The following MEI4 variants were observed in gnomAD, a reference collection of about 807,000 sequenced individuals.
MEI4 encodes the protein meiotic double-stranded break formation protein 4.
MEI4 carries 27 observed loss-of-function variants against 31.4 expected under a neutral mutation model. The observed-to-expected ratio is 0.86, with a 90% CI of 0.63 to 1.19. The LOEUF (loss-of-function observed/expected upper bound fraction) is 1.19, where lower values mean the gene tolerates loss of function less well. Ranked by LOEUF, MEI4 falls within the 50% of genes most tolerant of loss-of-function variation. MEI4 has a pLI of 0.00. For missense variants in MEI4, 329 were observed against 398.9 expected, an observed-to-expected ratio of 0.82 and a Z score of 1.49; for synonymous variants, 122 against 145.4, an observed-to-expected ratio of 0.84 and a Z score of 1.16.
intron 2 of MEI4, among the ~76,000 whole-genome samples, chr6:77,738,894 GA>G (rs1197203443): frequency 1.1e-4 from 16 of 152,282 alleles, no homozygotes. Context: ...GTCTTCTTTT[GA>G]AAAGTGTCTG....
intron 4 of MEI4, among the ~76,000 whole-genome samples, chr6:77,882,053 A>T (rs1771502452): frequency 6.6e-6 from 1 of 152,206 alleles, no homozygotes; most frequent in Non-Finnish European, 1.5e-5. Flanking sequence ...TACATTTCAA[A>T]ACAAATGGAT....
chr6:77,767,731 G>C (rs1768211775), intron 3 of MEI4, among the ~76,000 whole-genome samples: 1 of 151,710 alleles, frequency 6.6e-6, no homozygotes, highest in South Asian at 2.1e-4. Flanking sequence ...GGAAAAATCT[G>C]GGTTAATGTT....
intron 3 of MEI4, among the ~76,000 whole-genome samples, chr6:77,818,004 A>G (rs1347551186): frequency 2.0e-5 from 3 of 152,344 alleles, no homozygotes; most frequent in Non-Finnish European, 4.4e-5. Flanking sequence ...GATTTTAGCC[A>G]GTGTATGCAA....
chr6:77,896,943 AG>A (rs1288590384), intron 4 of MEI4, among the ~76,000 whole-genome samples: 4 of 152,070 alleles, frequency 2.6e-5, no homozygotes, highest in Non-Finnish European at 5.9e-5. Context: ...AAAATATGAC[AG>A]TAACGATAAT....
chr6:77,747,978 A>G (rs2874334), intron 2 of MEI4, among the ~76,000 whole-genome samples: 20,982 of 152,258 alleles, frequency 0.14, 1,535 homozygotes, highest in Middle Eastern at 0.21. Flanking sequence ...GGGGTAGTCA[A>G]ATCCTAAAGG....
At chr6:77,799,678 T>G (rs945227606) in intron 3 of MEI4, among the ~76,000 whole-genome samples, 1 of 152,140 alleles carries the variant, frequency 6.6e-6, no homozygotes, top group Admixed American at 6.6e-5. Flanking sequence ...GTATAAGGTG[T>G]AAGGAAGGGA....
chr6:77,805,136 CCTTTGGGTTGGAAAGGTA>C (rs1168972605), intron 3 of MEI4, among the ~76,000 whole-genome samples: 1 of 151,852 alleles, frequency 6.6e-6, no homozygotes, highest in Admixed American at 6.6e-5. Context: ...AGAAAAAATA[CCTTTGGGTTGGAAAGGTA>C]AATAATATGT....
intron 3 of MEI4, among the ~76,000 whole-genome samples, chr6:77,808,702 C>T (rs562265899): frequency 6.6e-6 from 1 of 152,208 alleles, no homozygotes; most frequent in South Asian, 2.1e-4. Flanking sequence ...CCCTGGGAAG[C>T]AGATTCTGAG....
chr6:77,758,029 G>T (rs1767955325), intron 2 of MEI4, among the ~76,000 whole-genome samples: 1 of 151,950 alleles, frequency 6.6e-6, no homozygotes, highest in African/African-American at 2.4e-5. Flanking sequence ...GGTGGCATGT[G>T]CCTGTAGTCC....
intron 2 of MEI4, among the ~76,000 whole-genome samples, chr6:77,702,602 AATG>A (rs566605470): frequency 2.0e-3 from 308 of 152,244 alleles, no homozygotes; most frequent in African/African-American, 7.2e-3. Flanking sequence ...AATTTATCCC[AATG>A]AGACTGGTAT....
chr6:77,742,052 C>T (rs1767421844), intron 2 of MEI4, among the ~76,000 whole-genome samples: 2 of 152,000 alleles, frequency 1.3e-5, no homozygotes, highest in South Asian at 2.1e-4. Flanking sequence ...CAAGTCTTTG[C>T]TATTGTGAAT....
intron 3 of MEI4, among the ~76,000 whole-genome samples, chr6:77,805,808 GA>G (rs1000041937): frequency 6.6e-6 from 1 of 151,684 alleles, no homozygotes; most frequent in African/African-American, 2.4e-5. Context: ...CCTTAGAACA[GA>G]AAAATAATCA....
At chr6:77,910,265 G>A (rs377313817) in intron 4 of MEI4, among the ~76,000 whole-genome samples, 4 of 152,068 alleles carry the variant, frequency 2.6e-5, no homozygotes, top group African/African-American at 4.8e-5. Flanking sequence ...AGGAAGTCAA[G>A]TTGTCCCTGT....
chr6:77,743,114 G>T (rs1026828916), intron 2 of MEI4, among the ~76,000 whole-genome samples: 3 of 152,020 alleles, frequency 2.0e-5, no homozygotes, highest in Non-Finnish European at 4.4e-5. Context: ...GCTCTTTTTT[G>T]GTTCCATATG....
intron 3 of MEI4, among the ~76,000 whole-genome samples, chr6:77,806,240 T>C (rs1164514026): frequency 1.3e-5 from 2 of 152,126 alleles, no homozygotes; most frequent in African/African-American, 4.8e-5. Context: ...TAAGGTTTGA[T>C]TTAATCAGTG....
chr6:77,735,309 A>G (rs1007522667), intron 2 of MEI4, among the ~76,000 whole-genome samples: 4 of 151,594 alleles, frequency 2.6e-5, no homozygotes, highest in African/African-American at 7.3e-5. Context: ...ATAGTCCCAT[A>G]TTTCTTGGAG....
chr6:77,765,869 G>T (rs1201419398), intron 3 of MEI4, among the ~76,000 whole-genome samples: 2 of 152,088 alleles, frequency 1.3e-5, no homozygotes, highest in Non-Finnish European at 2.9e-5. Context: ...AAAAAATGAT[G>T]AGTTCATGTC....
upstream of MEI4, among the ~76,000 whole-genome samples, chr6:77,650,319 C>G (rs946620743): frequency 5.3e-5 from 8 of 152,210 alleles, no homozygotes; most frequent in Non-Finnish European, 8.8e-5. Context: ...GTCTCCTCCT[C>G]GGAACAGCCC....
chr6:77,770,017 G>C (rs1470419854), intron 3 of MEI4, among the ~76,000 whole-genome samples: 1 of 151,710 alleles, frequency 6.6e-6, no homozygotes, highest in East Asian at 2.0e-4. Context: ...GTACCAGCTT[G>C]GCCGCAGTGG....
Sources: allele counts gnomAD v4.1 joint callset (sites outside exome capture counted in the v4.1 genomes callset), GRCh38; gene constraint gnomAD v4.1.1; transcripts MANE v1.5; gene names NCBI Gene and HGNC (gene_info 2026-07-23, HGNC 2026-07-21).